TTLL5: variants seen among roughly 807,000 people sequenced by gnomAD.
The protein encoded by TTLL5 is tubulin tyrosine ligase like 5.
TTLL5 carries 132 observed loss-of-function variants against 168.4 expected under a neutral mutation model. The observed-to-expected ratio is 0.78, with a 90% CI of 0.68 to 0.91. The LOEUF (loss-of-function observed/expected upper bound fraction) is 0.91. Ranked by LOEUF, TTLL5 falls within the 40% of genes least tolerant of loss-of-function variation. TTLL5 has a pLI of 0.00. For missense variants in TTLL5, 1,545 were observed against 1,581.5 expected, an observed-to-expected ratio of 0.98 and a Z score of 0.39; for synonymous variants, 546 against 558.6, an observed-to-expected ratio of 0.98 and a Z score of 0.32.
intron 31 of TTLL5, among the ~76,000 whole-genome samples, chr14:75,936,519 C>T (rs2034437557): frequency 1.3e-5 from 2 of 152,208 alleles, no homozygotes; most frequent in South Asian, 4.1e-4. Context: ...CATATGGCTT[C>T]TTCCATGTGG....
chr14:75,793,478 T>C (rs1892832166), intron 27 of TTLL5, among the ~76,000 whole-genome samples: 2 of 152,178 alleles, frequency 1.3e-5, no homozygotes, highest in African/African-American at 2.4e-5. Context: ...CATTACCCTT[T>C]AAAAAAATTT....
At chr14:75,748,360 C>T (rs1374292450) in intron 17 of TTLL5, among the ~76,000 whole-genome samples, 4 of 148,760 alleles carry the variant, frequency 2.7e-5, no homozygotes, top group Non-Finnish European at 5.9e-5. Context: ...GTTCATGTTA[C>T]ATATAGTTAC....
At chr14:75,816,183 C>G (rs190686682) in intron 27 of TTLL5, among the ~76,000 whole-genome samples, 1 of 152,310 alleles carries the variant, frequency 6.6e-6, no homozygotes, top group East Asian at 1.9e-4. Context: ...GAACCCAGCA[C>G]TTTGGGAGGC....
At chr14:75,808,504 A>G (rs953186849) in intron 27 of TTLL5, among the ~76,000 whole-genome samples, 1 of 152,234 alleles carries the variant, frequency 6.6e-6, no homozygotes, top group Non-Finnish European at 1.5e-5. Flanking sequence ...GTAACTGTTT[A>G]AGATAGTTCT....
intron 28 of TTLL5, among the ~76,000 whole-genome samples, chr14:75,858,123 A>AG (rs1267685996): frequency 6.6e-6 from 1 of 152,232 alleles, no homozygotes; most frequent in South Asian, 2.1e-4. Context: ...GGTTGGGAGG[A>AG]GGGGGGATCC....
chr14:75,919,992 A>AGTG (rs1464815627), intron 31 of TTLL5, among the ~76,000 whole-genome samples: 1 of 152,088 alleles, frequency 6.6e-6, no homozygotes, highest in African/African-American at 2.4e-5. Context: ...ATAGTGCCTC[A>AGTG]CGCCTGTAAG....
intron 27 of TTLL5, among the ~76,000 whole-genome samples, chr14:75,812,229 G>A (rs1041810270): frequency 1.3e-5 from 2 of 152,142 alleles, no homozygotes; most frequent in South Asian, 4.1e-4. Context: ...AAGAGGAAAA[G>A]CAGGAGCAGG....
At chr14:75,791,751 C>T (rs1311418725) in intron 26 of TTLL5, among the ~76,000 whole-genome samples, 2 of 151,952 alleles carry the variant, frequency 1.3e-5, no homozygotes, top group Non-Finnish European at 2.9e-5. Context: ...GAAAAAGTTA[C>T]AGATTCAGAA....
intron 17 of TTLL5, among the ~76,000 whole-genome samples, chr14:75,751,771 C>A (rs549649101): frequency 9.3e-4 from 141 of 152,158 alleles, no homozygotes; most frequent in African/African-American, 3.3e-3. Context: ...ATCCAGACCC[C>A]AAGAGAGGGT....
In TTLL5 at chr14:75,707,138, T is replaced by A. The variant is rs117908324; in HGVS notation, c.655+51T>A. 5,360 of 1,420,072 alleles carry A rather than the reference T, an allele frequency of 3.8e-3. 98 individuals carry two copies. The highest frequency in any genetic ancestry group is 0.033 in the South Asian group (2,853 of 86,598). 88.0% of individuals were successfully genotyped at this position (1,420,072 alleles called of 1,614,324 possible). Reference sequence around the variant, plus strand: ...AAATTGGGCCAGATTTTTGCTCAACTTTTTAAGCTTTTCATAGCCTTCTCT... The same window carrying A: ...AAATTGGGCCAGATTTTTGCTCAACATTTTAAGCTTTTCATAGCCTTCTCT... On this transcript the variant is annotated intron_variant, in intron 8 of 31. Transcript: ENST00000298832.
At position 75,766,208 on chromosome 14, in the gene TTLL5, A is replaced by G; in HGVS notation, c.1855A>G (p.Thr619Ala). The change falls in exon 20 of 32, where the codon ACA becomes GCA. Residue 619 changes from threonine to alanine, a missense_variant. By Grantham distance (58) the Thr-to-Ala change is moderately conservative. Coordinates refer to ENST00000298832, the MANE Select transcript of TTLL5 (RefSeq NM_015072.5). The part of the protein sequence containing the change: ...GFLRENQAKY[T>A]PSLTALVENT... ...TCTTAGAGAAAATCAAGCCAAATAT[A>G]CACCCTCATTGACAGCTTTGGTAGA... 1 of 1,614,074 alleles carries G rather than the reference A, an allele frequency of 6.2e-7. No homozygotes were observed.
intron 28 of TTLL5, among the ~76,000 whole-genome samples, chr14:75,863,449 A>G (rs144715843): frequency 6.6e-4 from 100 of 152,306 alleles, no homozygotes; most frequent in Non-Finnish European, 1.2e-3. Flanking sequence ...GCCTTATGAT[A>G]CGTGCTAGGA....
intron 20 of TTLL5, among the ~76,000 whole-genome samples, chr14:75,769,059 A>G (rs1891124121): frequency 6.6e-6 from 1 of 152,252 alleles, no homozygotes; most frequent in Admixed American, 6.5e-5. Flanking sequence ...AATTGAAAAT[A>G]GAGCATTTGA....
chr14:75,843,857 A>G (rs76747372), intron 28 of TTLL5, among the ~76,000 whole-genome samples: 31 of 99,328 alleles, frequency 3.1e-4, no homozygotes, highest in African/African-American at 9.5e-4. Context: ...TATTTATTTT[A>G]TTTTGTTTTG....
chr14:75,904,050 C>T (rs1052526257), intron 31 of TTLL5: 121 of 1,191,138 alleles, frequency 1.0e-4, no homozygotes, highest in Non-Finnish European at 1.2e-4. Flanking sequence ...TACCTCATAA[C>T]CTTTTCTCTT....
intron 28 of TTLL5, among the ~76,000 whole-genome samples, chr14:75,834,004 G>A (rs1305033382): frequency 6.6e-6 from 1 of 152,162 alleles, no homozygotes; most frequent in Non-Finnish European, 1.5e-5. Flanking sequence ...TGACCAAAAT[G>A]TTACCAGGCT....
intron 6 of TTLL5, among the ~76,000 whole-genome samples, chr14:75,694,599 G>T (rs192117066): frequency 2.9e-4 from 44 of 152,320 alleles, no homozygotes; most frequent in Middle Eastern, 6.8e-3. Context: ...CTCCCAAATT[G>T]CTGGGATTAC....
chr14:75,842,842 G>A (rs1427889332), intron 28 of TTLL5, among the ~76,000 whole-genome samples: 1 of 152,044 alleles, frequency 6.6e-6, no homozygotes, highest in Non-Finnish European at 1.5e-5. Context: ...ATAATCAAGG[G>A]CTGACAGCAC....
At chr14:75,913,780 G>A (rs1292729032) in intron 31 of TTLL5, among the ~76,000 whole-genome samples, 2 of 151,604 alleles carry the variant, frequency 1.3e-5, no homozygotes, top group East Asian at 1.9e-4. Flanking sequence ...TTGGGAGGCC[G>A]AGGTGGGCAG....
Sources: gnomAD v4.1 joint callset for allele counts (sites outside exome capture counted in the v4.1 genomes callset) on GRCh38, gnomAD v4.1.1 for gene constraint, MANE v1.5 for transcripts, NCBI Gene and HGNC (gene_info 2026-07-23, HGNC 2026-07-21) for gene names.